RNF213: variants seen among roughly 807,000 people sequenced by gnomAD.
RNF213 encodes ring finger protein 213, also known as E3 ubiquitin-protein ligase RNF213.
Under a neutral mutation model 514.4 loss-of-function variants are expected in RNF213, and 341 were observed. The ratio of observed to expected loss-of-function variants is 0.66; its 90% CI spans 0.61 to 0.73. The LOEUF is 0.73. RNF213 is among the 30% of genes least tolerant of loss of function. The pLI is 0.00. For synonymous variants in RNF213, 2,655 were observed against 2,658.2 expected (o/e 1.00, Z 0.04); for missense variants, 5,767 against 6,615.6 (o/e 0.87, Z 4.45).
intron 18 of RNF213, among the ~76,000 whole-genome samples, chr17:80,325,677 C>T (rs199868778): frequency 1.3e-5 from 2 of 151,440 alleles, no homozygotes; most frequent in East Asian, 3.9e-4. Flanking sequence ...TCTGATTTCC[C>T]CCCAGCCCCC....
At chr17:80,267,176 C>T (rs1464401729) in intron 2 of RNF213, among the ~76,000 whole-genome samples, 2 of 150,804 alleles carry the variant, frequency 1.3e-5, no homozygotes, top group Non-Finnish European at 2.9e-5. Context: ...GAGATTGTGC[C>T]ACTGCACTCC....
chr17:80,334,114 T>C lies in RNF213; in HGVS notation c.4153T>C (p.Phe1385Leu). 6.5e-7 allele frequency: 1 copy of C among 1,537,214 alleles called. No individual in the cohort carries two copies. The highest frequency in any genetic ancestry group is 2.4e-5 in the East Asian group (1 of 40,910). ...GAGCTTTTTCTTGCAGACTGATAAC[T>C]TCGACGACTTTCGCCGTGAAACACT... ...LNTLLNFTDNFDDFRRETLDQ... is the reference protein window; with the variant it reads ...LNTLLNFTDNLDDFRRETLDQ... Residue 1385 changes from phenylalanine (F) to leucine (L), a missense_variant, in exon 22 of 68, where the codon TTC (phenylalanine) becomes CTC (leucine). Around this residue, in one of 13 missense-constraint regions of RNF213, gnomAD observed 516 missense variants for 566.5 expected, o/e 0.91. Coordinates refer to ENST00000582970, the MANE Select transcript of RNF213 (RefSeq NM_001256071.3).
At chr17:80,390,451 A>ACTCACTGCAACCTTGG (rs368736557) in intron 67 of RNF213, among the ~76,000 whole-genome samples, 2,387 of 151,962 alleles carry the variant, frequency 0.016, 70 homozygotes, top group African/African-American at 0.055. Context: ...AGTAATCTCA[A>ACTCACTGCAACCTTGG]CTCACTGCAA....
chr17:80,287,672 A>C, intron 3 of RNF213, 143 bp from the exon 4 acceptor site: 1 of 550,248 alleles, frequency 1.8e-6, no homozygotes, highest in Non-Finnish European at 3.3e-6. Context: ...TCTTTCCAGG[A>C]AATTGCAGAT....
At chr17:80,357,185 G>A (rs1390811314) in intron 36 of RNF213, among the ~76,000 whole-genome samples, 1 of 152,096 alleles carries the variant, frequency 6.6e-6, no homozygotes, top group African/African-American at 2.4e-5. Context: ...CCAACGTGCT[G>A]GGATTAGACG....
chr17:80,287,095 T>A (rs1475707660), intron 3 of RNF213, among the ~76,000 whole-genome samples: 1 of 152,154 alleles, frequency 6.6e-6, no homozygotes, highest in Non-Finnish European at 1.5e-5. Flanking sequence ...GCACGGTGGC[T>A]CACGCGTGTA....
intron 3 of RNF213, among the ~76,000 whole-genome samples, chr17:80,285,740 G>A (rs2044449046): frequency 1.3e-5 from 2 of 148,844 alleles, no homozygotes; most frequent in Admixed American, 6.8e-5. Flanking sequence ...GCGTAATATC[G>A]GCTGACCGCA....
At chr17:80,270,723 A>T (rs1206089391) in intron 2 of RNF213, among the ~76,000 whole-genome samples, 1 of 151,846 alleles carries the variant, frequency 6.6e-6, no homozygotes, top group Admixed American at 6.6e-5. Context: ...GATTGTTGGG[A>T]CTGTTTATAC....
rs1368464945 is a variant in RNF213, at chr17:80,345,193, A to T, written c.6858A>T (p.Glu2286Asp). The T allele has an allele frequency of 1.2e-6, 2 of 1,614,034 alleles. No individual in the cohort carries two copies. Among genetic ancestry groups the T allele is most frequent in the Non-Finnish European group, 1.7e-6 (2 of 1,180,034 alleles). ...TGGTCACCATGGATGGGGTTAGGGA[A>T]GAAGATCTAGCGCCCTTCTCCCTCC... ...KHMVTMDGVR[E>D]EDLAPFSLRK... Residue 2286 changes from glutamate (E) to aspartate (D), a missense_variant, in exon 29 of 68, where the codon GAA (glutamate) becomes GAT (aspartate). Transcript: ENST00000582970. The surrounding 1 kb of genome is among the most constrained non-coding windows in gnomAD (Gnocchi z 6.0).
At chr17:80,363,409 A>C in intron 40 of RNF213, 95 bp downstream of exon 40, 1 of 1,353,972 alleles carries the variant, frequency 7.4e-7, no homozygotes, top group South Asian at 1.2e-5. Context: ...TCCAAGTGGG[A>C]GATTTCTTCA....
Position 80,389,855 on chromosome 17 carries a change from A to C in RNF213, c.15223A>C (p.Thr5075Pro). The C allele has an allele frequency of 6.2e-7, 1 of 1,614,132 alleles. No homozygotes were observed. Among genetic ancestry groups the C allele is most frequent in the Non-Finnish European group, 8.5e-7 (1 of 1,180,036 alleles). Residue 5075 changes from threonine to proline, a missense_variant, in exon 66 of 68, where the codon ACC becomes CCC. Around this residue, in one of 13 missense-constraint regions of RNF213, gnomAD observed 1,245 missense variants for 1,339.0 expected, o/e 0.93. Transcript: ENST00000582970. ...CTTAAACAGATGCCAGTTAAAACAC[A>C]CCATTGCCCTCTGGCAGTTCCTGTC... ...KALNRCQLKH[T>P]IALWQFLSAH...
Position 80,395,588 on chromosome 17 carries a change from A to T in RNF213, c.*2090A>T, listed in dbSNP as rs1200528278. On this transcript the variant is annotated 3_prime_UTR_variant, in exon 68 of 68. Coordinates refer to ENST00000582970, the MANE Select transcript of RNF213 (RefSeq NM_001256071.3). ...GAAACGCTTACACCTCTGCCTCAGA[A>T]GGAGTCCCCCATGCCCTGCCTGAAA... 1 of 152,246 alleles carries T rather than the reference A, an allele frequency of 6.6e-6. No individual in the cohort carries two copies. The highest frequency in any genetic ancestry group is 1.5e-5 in the Non-Finnish European group (1 of 68,098). 9.4% of individuals were successfully genotyped at this position (152,246 alleles called of 1,614,324 possible).
At chr17:80,311,487 C>T (rs1177777105) in intron 14 of RNF213, among the ~76,000 whole-genome samples, 3 of 152,240 alleles carry the variant, frequency 2.0e-5, no homozygotes, top group Admixed American at 2.0e-4. Context: ...CTGTCGGCCC[C>T]CGCCCCCTGC....
At chr17:80,365,279 G>A (rs1568139088) in intron 42 of RNF213, 1 of 153,400 alleles carries the variant, frequency 6.5e-6, no homozygotes, top group Admixed American at 6.5e-5. Context: ...ACTAAAAGGA[G>A]GCCAGCATGG....
At position 80,273,278 on chromosome 17, in the gene RNF213, G is replaced by A. The variant is rs202164487; in HGVS notation, c.135G>A (p.Ser45=). Reference sequence around the variant, plus strand: ...ATAACTCCACAATGGCGTCGGCCTCGGAGGGTGAAATGGAGTGTGGGCAGG... The same window carrying A: ...ATAACTCCACAATGGCGTCGGCCTCAGAGGGTGAAATGGAGTGTGGGCAGG... ...ENNNSTMASA[S]EGEMECGQEL... The change falls in exon 3 of 68, where the codon TCG becomes TCA. Residue 45 remains serine, a synonymous_variant. Coordinates refer to ENST00000582970, the MANE Select transcript of RNF213 (RefSeq NM_001256071.3). The A allele has an allele frequency of 5.5e-5, 89 of 1,613,656 alleles. No homozygotes were observed. Among genetic ancestry groups the A allele is most frequent in the South Asian group, 1.1e-4 (10 of 91,090 alleles).
chr17:80,385,280 C>A, intron 60 of RNF213, 109 bp downstream of exon 60: 1 of 1,337,366 alleles, frequency 7.5e-7, no homozygotes, highest in Non-Finnish European at 1.1e-6. Flanking sequence ...CTGATGGGTG[C>A]TCTATAGCCT....
Position 80,388,154 on chromosome 17 carries a change from C to T in RNF213, c.14923-458C>T, listed in dbSNP as rs958514190. On this transcript the variant is annotated intron_variant, in intron 63 of 67. Coordinates refer to ENST00000582970, the MANE Select transcript of RNF213 (RefSeq NM_001256071.3). Reference sequence around the variant, plus strand: ...AATTTTTTTGTATTTTTAGTAGAGACGGGGTTTCACCATGTTAGCCAGGAT... The same window carrying T: ...AATTTTTTTGTATTTTTAGTAGAGATGGGGTTTCACCATGTTAGCCAGGAT... 7.9e-5 allele frequency among the ~76,000 whole-genome samples: 12 copies of T among 152,082 alleles called. No individual in the cohort carries two copies. In the South Asian group the frequency reaches 1.2e-3, roughly 16 times the overall value.
chr17:80,260,938 A>G (rs1440637028), intron 1 of RNF213, 36 bp downstream of exon 1: 3 of 148,564 alleles, frequency 2.0e-5, no homozygotes, highest in East Asian at 4.1e-4. Flanking sequence ...CGGGGCGGGG[A>G]GCGGGCTAGG....
At position 80,288,046 on chromosome 17, in the gene RNF213, G is replaced by A. The variant is rs948496434; in HGVS notation, c.493G>A (p.Ala165Thr). ...GCCACTGGAGGGTGACGGCCTCTCC[G>A]CGCCCACCGAGGTTGGCGACAGCCC... ...TTPLEGDGLSAPTEVGDSPLQ... is the reference protein window; with the variant it reads ...TTPLEGDGLSTPTEVGDSPLQ... Residue 165 changes from alanine to threonine, a missense_variant, in exon 4 of 68, where the codon GCG becomes ACG. Physicochemically the swap from Ala to Thr is moderately conservative, Grantham distance 58. This residue lies in a region of RNF213 where 509 missense variants were observed against 496.7 expected (regional missense o/e 1.02). Transcript: ENST00000582970. This position sits in a 1 kb window ranked among gnomAD's most constrained non-coding sequence, Gnocchi z 4.9. 10 of 1,604,112 alleles carry A rather than the reference G, an allele frequency of 6.2e-6. No individual in the cohort carries two copies. Among genetic ancestry groups the A allele is most frequent in the South Asian group, 3.3e-5 (3 of 90,132 alleles).
Sources: allele counts gnomAD v4.1 joint callset (sites outside exome capture counted in the v4.1 genomes callset), GRCh38; gene constraint gnomAD v4.1.1; regional missense constraint gnomAD v4.1.1; non-coding constraint Gnocchi (gnomAD v3.1); transcripts MANE v1.5; gene names NCBI Gene and HGNC (gene_info 2026-07-23, HGNC 2026-07-21).